The following PRR16 variants were observed in gnomAD, a reference collection of about 807,000 sequenced individuals.
PRR16 encodes proline rich 16, also known as protein Largen.
A neutral mutation model predicts 18.2 loss-of-function variants in PRR16; 6 were observed. That is an observed-to-expected ratio of 0.33 (90% CI 0.18 to 0.65). The LOEUF (loss-of-function observed/expected upper bound fraction) is 0.65. Among genes scored for constraint, PRR16 ranks in the 30% least tolerant of loss-of-function variants. The probability of loss-of-function intolerance (pLI) is 0.74; values close to 1 mark genes in which losing one functional copy is unlikely to be tolerated. For synonymous variants in PRR16, 151 were observed against 147.8 expected (o/e 1.02, Z -0.16); for missense variants, 412 against 376.6 (o/e 1.09, Z -0.78).
At chr5:120,499,112 C>CTT (rs113501213) in intron 1 of PRR16, among the ~76,000 whole-genome samples, 1 of 140,050 alleles carries the variant, frequency 7.1e-6, no homozygotes, top group Non-Finnish European at 1.6e-5. Context: ...TTTTTAATCA[C>CTT]TTTTTTTTTT....
intron 1 of PRR16, among the ~76,000 whole-genome samples, chr5:120,487,555 G>A (rs557271718): frequency 2.0e-3 from 303 of 152,108 alleles, no homozygotes; most frequent in Non-Finnish European, 3.6e-3. Context: ...GGGCTGAGAC[G>A]ATGGGGTTTT....
intron 1 of PRR16, among the ~76,000 whole-genome samples, chr5:120,493,702 T>C (rs1246985983): frequency 6.6e-6 from 1 of 152,176 alleles, no homozygotes; most frequent in African/African-American, 2.4e-5. Context: ...GACATAGACT[T>C]CCTAGCCCCG....
chr5:120,519,713 C>T (rs976356635), intron 1 of PRR16, among the ~76,000 whole-genome samples: 1 of 151,650 alleles, frequency 6.6e-6, no homozygotes, highest in African/African-American at 2.4e-5. Context: ...CTTGTGCCAA[C>T]AATGAAAGAG....
intron 1 of PRR16, among the ~76,000 whole-genome samples, chr5:120,664,499 C>A (rs962236876): frequency 6.6e-6 from 1 of 150,942 alleles, no homozygotes; most frequent in Non-Finnish European, 1.5e-5. Context: ...GGTACATGTG[C>A]ACAATGTGCA....
chr5:120,754,723 TA>T, the PRR16 span, among the ~76,000 whole-genome samples: 1 of 145,742 alleles, frequency 6.9e-6, no homozygotes, highest in East Asian at 2.0e-4. Flanking sequence ...AGCAAAATTG[TA>T]AAAAGTTGTC....
Position 120,686,080 on chromosome 5 carries a change from A to G in PRR16, c.286A>G (p.Lys96Glu). The G allele has an allele frequency of 6.2e-7, 1 of 1,614,160 alleles. No individual in the cohort carries two copies. Among genetic ancestry groups the G allele is most frequent in the East Asian group, 2.2e-5 (1 of 44,864 alleles). ...GTTASSLEKI[K>E]VQANAPLIKP... ...AACAGCCTCCAGCCTAGAGAAGATC[A>G]AAGTGCAGGCTAATGCACCGCTTAT... Residue 96 changes from lysine to glutamate, a missense_variant, in exon 2 of 2, where the codon AAA (lysine) becomes GAA (glutamate). By Grantham distance (56) the Lys-to-Glu change is moderately conservative. Coordinates refer to ENST00000407149, the MANE Select transcript of PRR16 (RefSeq NM_001300783.2).
At chr5:120,780,242 A>C in the PRR16 span, among the ~76,000 whole-genome samples, 1 of 152,294 alleles carries the variant, frequency 6.6e-6, no homozygotes, top group Middle Eastern at 3.4e-3. Context: ...TAATTAACCA[A>C]TTTATATAAA....
At chr5:120,715,491 T>C in the PRR16 span, among the ~76,000 whole-genome samples, 5 of 152,324 alleles carry the variant, frequency 3.3e-5, no homozygotes, top group South Asian at 1.0e-3. Context: ...AATGAAAATA[T>C]TTTTAATGAT....
At chr5:120,526,923 T>C (rs1464295150) in intron 1 of PRR16, among the ~76,000 whole-genome samples, 1 of 152,154 alleles carries the variant, frequency 6.6e-6, no homozygotes, top group Non-Finnish European at 1.5e-5. Flanking sequence ...AATATATTGT[T>C]GTTGACTATA....
intron 1 of PRR16, among the ~76,000 whole-genome samples, chr5:120,680,753 A>G (rs976245995): frequency 6.6e-6 from 1 of 152,138 alleles, no homozygotes; most frequent in Admixed American, 6.5e-5. Flanking sequence ...TTGAAATGTT[A>G]TGTTGTTTTC....
At chr5:120,491,735 G>A (rs1457659160) in intron 1 of PRR16, among the ~76,000 whole-genome samples, 1 of 152,026 alleles carries the variant, frequency 6.6e-6, no homozygotes, top group Non-Finnish European at 1.5e-5. Context: ...TTAGAGACAG[G>A]GTTTCACCAT....
intron 1 of PRR16, among the ~76,000 whole-genome samples, chr5:120,651,532 C>T (rs1384223459): frequency 2.6e-5 from 4 of 152,186 alleles, no homozygotes; most frequent in African/African-American, 7.2e-5. Context: ...GATCCAGTTT[C>T]AGCTTTCTGC....
At chr5:120,526,648 T>C (rs1282559275) in intron 1 of PRR16, among the ~76,000 whole-genome samples, 1 of 152,196 alleles carries the variant, frequency 6.6e-6, no homozygotes, top group Non-Finnish European at 1.5e-5. Context: ...AATAATATTG[T>C]CTGGAAGTGC....
intron 1 of PRR16, among the ~76,000 whole-genome samples, chr5:120,488,759 C>G (rs1042053090): frequency 3.3e-5 from 5 of 152,124 alleles, no homozygotes; most frequent in Non-Finnish European, 1.5e-5. Context: ...ATTTTTAGAT[C>G]TTTCCTGCTT....
At chr5:120,614,328 A>G (rs1754438987) in intron 1 of PRR16, among the ~76,000 whole-genome samples, 2 of 152,176 alleles carry the variant, frequency 1.3e-5, no homozygotes, top group African/African-American at 4.8e-5. Flanking sequence ...GGAGTTTTTA[A>G]AACAGATTTG....
At chr5:120,595,638 T>C (rs188013469) in intron 1 of PRR16, among the ~76,000 whole-genome samples, 1 of 152,024 alleles carries the variant, frequency 6.6e-6, no homozygotes, top group East Asian at 1.9e-4. Context: ...ATGACACAAC[T>C]TTGCCTGTGA....
At chr5:120,755,190 T>G in the PRR16 span, among the ~76,000 whole-genome samples, 1 of 151,820 alleles carries the variant, frequency 6.6e-6, no homozygotes, top group African/African-American at 2.4e-5. Flanking sequence ...TAGAGTATAA[T>G]AATAATAAAA....
chr5:120,570,095 C>T (rs1752859068), intron 1 of PRR16, among the ~76,000 whole-genome samples: 2 of 152,024 alleles, frequency 1.3e-5, no homozygotes, highest in East Asian at 1.9e-4. Flanking sequence ...GATTATAAGC[C>T]TCATATCTTT....
Position 120,523,728 on chromosome 5 carries a change from C to A in PRR16, c.159+59083C>A, listed in dbSNP as rs527942930. 2.6e-5 allele frequency among the ~76,000 whole-genome samples: 4 copies of A among 152,180 alleles called. No individual in the cohort carries two copies. The South Asian group carries it at 6.2e-4, about 24-fold the overall frequency. ...ATGTATATTTAAATTAATACAACAT[C>A]TTTTCTAGTGAAAGTCACTGTAAGT... On this transcript the variant is annotated intron_variant, in intron 1 of 1. Transcript: ENST00000407149.
Sources: gnomAD v4.1 joint callset for allele counts (sites outside exome capture counted in the v4.1 genomes callset) on GRCh38, gnomAD v4.1.1 for gene constraint, MANE v1.5 for transcripts, NCBI Gene and HGNC (gene_info 2026-07-23, HGNC 2026-07-21) for gene names.